Variants in GRIK2 observed in about 807,000 individuals in gnomAD.
The protein encoded by GRIK2 is glutamate receptor ionotropic, kainate 2.
Under a neutral mutation model 100.3 loss-of-function variants are expected in GRIK2, and 32 were observed. That is an observed-to-expected ratio of 0.32 (90% CI 0.24 to 0.43). The LOEUF (loss-of-function observed/expected upper bound fraction) is 0.43. Ranked by LOEUF, GRIK2 falls within the 20% of genes least tolerant of loss-of-function variation. The pLI, the probability that GRIK2 is intolerant of heterozygous loss-of-function variation, is 1.00. For missense variants in GRIK2, 843 were observed against 1,114.9 expected (o/e 0.76, Z 3.47); for synonymous variants, 417 against 389.4 (o/e 1.07, Z -0.83).
chr6:102,065,898 A>G, intron 16 of GRIK2: 1 of 1,444,688 alleles, frequency 6.9e-7, no homozygotes, highest in Non-Finnish European at 9.2e-7. Context: ...CATCATCATT[A>G]TCATCATGTT....
At chr6:101,465,064 G>A (rs961038018) in intron 2 of GRIK2, among the ~76,000 whole-genome samples, 13 of 152,154 alleles carry the variant, frequency 8.5e-5, no homozygotes, top group African/African-American at 2.7e-4. Context: ...ATCTGAAAGC[G>A]AAGGATCTTG....
intron 12 of GRIK2, among the ~76,000 whole-genome samples, chr6:101,891,951 C>T (rs1787128680): frequency 6.6e-6 from 1 of 152,174 alleles, no homozygotes; most frequent in South Asian, 2.1e-4. Flanking sequence ...GCAAGAGTTT[C>T]AGATTAAGCA....
At chr6:101,477,030 C>A (rs1022719205) in intron 2 of GRIK2, among the ~76,000 whole-genome samples, 1 of 152,126 alleles carries the variant, frequency 6.6e-6, no homozygotes, top group Non-Finnish European at 1.5e-5. Flanking sequence ...AAGTTTTGTG[C>A]ATTTTTAAAC....
At chr6:101,879,667 G>A (rs1021083431) in intron 11 of GRIK2, among the ~76,000 whole-genome samples, 2 of 127,240 alleles carry the variant, frequency 1.6e-5, no homozygotes, top group Non-Finnish European at 3.2e-5. Context: ...TAATTTGGTT[G>A]ATCTCACTAC....
intron 2 of GRIK2, among the ~76,000 whole-genome samples, chr6:101,419,940 T>C (rs1776333543): frequency 6.6e-6 from 1 of 152,214 alleles, no homozygotes; most frequent in African/African-American, 2.4e-5. Context: ...AAGCAGCCTT[T>C]CCTAATTCCG....
intron 2 of GRIK2, among the ~76,000 whole-genome samples, chr6:101,571,615 A>G (rs984958233): frequency 5.3e-5 from 8 of 152,120 alleles, no homozygotes; most frequent in African/African-American, 1.9e-4. Flanking sequence ...GCTTTAACCC[A>G]AATTTTATAG....
At chr6:101,620,983 A>G (rs1259312233) in intron 2 of GRIK2, among the ~76,000 whole-genome samples, 1 of 152,158 alleles carries the variant, frequency 6.6e-6, no homozygotes, top group African/African-American at 2.4e-5. Context: ...ATTATACTCT[A>G]TGGCCAAAAT....
At chr6:101,890,976 C>CATATATATATATAT (rs61125711) in intron 12 of GRIK2, among the ~76,000 whole-genome samples, 28 of 146,746 alleles carry the variant, frequency 1.9e-4, no homozygotes, top group African/African-American at 7.4e-5. Flanking sequence ...ATAAAGTGTA[C>CATATATATATATAT]ATATATATAT....
At chr6:102,045,554 G>C (rs1047463818) in intron 15 of GRIK2, among the ~76,000 whole-genome samples, 1 of 151,956 alleles carries the variant, frequency 6.6e-6, no homozygotes, top group Non-Finnish European at 1.5e-5. Flanking sequence ...TGTTCATGTA[G>C]AAATGAGAGA....
chr6:101,989,324 T>C (rs1562092554), intron 14 of GRIK2, among the ~76,000 whole-genome samples: 1 of 151,810 alleles, frequency 6.6e-6, no homozygotes, highest in Non-Finnish European at 1.5e-5. Context: ...CACTTCACAG[T>C]AATTCACACT....
chr6:101,678,781 G>C (rs372700414), intron 5 of GRIK2, among the ~76,000 whole-genome samples: 33 of 152,126 alleles, frequency 2.2e-4, no homozygotes, highest in African/African-American at 7.5e-4. Context: ...ATGAATAATA[G>C]GACTATGCAG....
Position 101,818,438 on chromosome 6 carries a change from C to G in GRIK2, c.1272C>G (p.Ile424Met), listed in dbSNP as rs772890192. The G allele has an allele frequency of 1.2e-6, 2 of 1,611,228 alleles. No homozygotes were observed. Among genetic ancestry groups the G allele is most frequent in the South Asian group, 2.2e-5 (2 of 91,026 alleles). ...GTCAAAAGGGAAAGCCAGCGAACAT[C>G]ACAGATTCCTTATCCAATCGTTCTT... ...TESQKGKPAN[I>M]TDSLSNRSLI... is the part of the protein sequence containing the mutation. The change falls in exon 10 of 17, where the codon ATC becomes ATG. Residue 424 changes from isoleucine (I) to methionine (M), a missense_variant. By Grantham distance (10) the Ile-to-Met change is conservative (BLOSUM62 1). Around this residue, in one of 3 missense-constraint regions of GRIK2, gnomAD observed 519 missense variants for 643.8 expected, o/e 0.81. Transcript: ENST00000369134.
intron 14 of GRIK2, among the ~76,000 whole-genome samples, chr6:101,932,677 G>C (rs1428432098): frequency 6.6e-6 from 1 of 151,814 alleles, no homozygotes; most frequent in African/African-American, 2.4e-5. Context: ...CACAGCAGGA[G>C]AATAGGGATT....
intron 2 of GRIK2, among the ~76,000 whole-genome samples, chr6:101,473,997 CAT>C (rs1772091145): frequency 6.6e-6 from 1 of 151,888 alleles, no homozygotes; most frequent in Non-Finnish European, 1.5e-5. Context: ...TCATCAGCCA[CAT>C]GTCTCATTAC....
intron 12 of GRIK2, among the ~76,000 whole-genome samples, chr6:101,892,017 A>G (rs1787132704): frequency 6.6e-6 from 1 of 152,166 alleles, no homozygotes; most frequent in South Asian, 2.1e-4. Flanking sequence ...AAAAATAAAT[A>G]CTCCAAAATA....
intron 14 of GRIK2, among the ~76,000 whole-genome samples, chr6:102,009,799 T>C (rs902694334): frequency 3.9e-5 from 6 of 152,124 alleles, no homozygotes; most frequent in Admixed American, 1.3e-4. Context: ...CTATATTAGG[T>C]AGAAAATCAT....
intron 4 of GRIK2, among the ~76,000 whole-genome samples, chr6:101,653,135 C>T (rs1018724453): frequency 3.3e-5 from 5 of 152,244 alleles, no homozygotes; most frequent in South Asian, 2.1e-4. Context: ...AGAGCCTGCC[C>T]ATGGAAGGAC....
At chr6:101,739,148 A>G (rs1423862303) in intron 7 of GRIK2, among the ~76,000 whole-genome samples, 2 of 152,178 alleles carry the variant, frequency 1.3e-5, no homozygotes, top group Non-Finnish European at 2.9e-5. Flanking sequence ...TCACAGTAAG[A>G]TTTTTTTGAA....
intron 2 of GRIK2, among the ~76,000 whole-genome samples, chr6:101,545,555 G>A (rs1776190813): frequency 6.6e-6 from 1 of 152,120 alleles, no homozygotes; most frequent in African/African-American, 2.4e-5. Context: ...TGCCTAGCTA[G>A]ATTTGTGTAA....
Sources: gnomAD v4.1 joint callset for allele counts (sites outside exome capture counted in the v4.1 genomes callset) on GRCh38, gnomAD v4.1.1 for gene constraint, gnomAD v4.1.1 regional missense constraint, MANE v1.5 for transcripts, NCBI Gene and HGNC (gene_info 2026-07-23, HGNC 2026-07-21) for gene names.